ABAT: variants seen among roughly 807,000 people sequenced by gnomAD.
ABAT encodes the protein 4-aminobutyrate aminotransferase, mitochondrial.
Under a neutral mutation model 64.6 loss-of-function variants are expected in ABAT, and 45 were observed. That is an observed-to-expected ratio of 0.70 (90% CI 0.55 to 0.89). The LOEUF (loss-of-function observed/expected upper bound fraction) is 0.89. ABAT is among the 40% of genes least tolerant of loss of function. The pLI is 0.00. For missense variants in ABAT, 633 were observed against 658.4 expected (o/e 0.96, Z 0.42); for synonymous variants, 297 against 250.5 (o/e 1.19, Z -1.75).
chr16:8,719,141 G>A (rs74008013), intron 1 of ABAT, among the ~76,000 whole-genome samples: 226 of 152,290 alleles, frequency 1.5e-3, no homozygotes, highest in African/African-American at 5.1e-3. Context: ...ACAGCAGGAC[G>A]TGTCCTTGTT....
intron 2 of ABAT, chr16:8,736,351 C>G (rs926206570): frequency 4.0e-5 from 7 of 173,798 alleles, no homozygotes; most frequent in African/African-American, 1.7e-4. Flanking sequence ...CTTTCTCTCT[C>G]CCATCTCTGT....
intron 1 of ABAT, among the ~76,000 whole-genome samples, chr16:8,710,727 A>AGAGAGGGAGG (rs146344975): frequency 1.9e-5 from 2 of 103,698 alleles, no homozygotes; most frequent in South Asian, 4.0e-4. Flanking sequence ...AGAGAGAGAG[A>AGAGAGGGAGG]GAGGAAATAG....
chr16:8,755,811 A>T (rs2059633508), intron 5 of ABAT, among the ~76,000 whole-genome samples: 1 of 152,156 alleles, frequency 6.6e-6, no homozygotes, highest in African/African-American at 2.4e-5. Flanking sequence ...GCACTTTGGG[A>T]GGCCGAGGTG....
chr16:8,725,481 C>G (rs906101538), intron 1 of ABAT, among the ~76,000 whole-genome samples: 1 of 152,186 alleles, frequency 6.6e-6, no homozygotes, highest in Non-Finnish European at 1.5e-5. Flanking sequence ...GGCATTTTAC[C>G]TCTGCATTCA....
rs1298528614 is a variant in ABAT at position 8,784,300 on chromosome 16, G to A, written c.*2870G>A. The stretch of plus-strand genomic sequence containing the variant: ...TTTTCATAATTTTTACTGACGCTCA[G>A]TAACCATGCAAAATTGTGTATAGCA... On this transcript the variant is annotated 3_prime_UTR_variant, in exon 16 of 16. Coordinates refer to ENST00000268251, the MANE Select transcript of ABAT (RefSeq NM_020686.6). The A allele has an allele frequency of 6.6e-6, 1 of 152,604 alleles. No individual in the cohort carries two copies. The highest frequency in any genetic ancestry group is 1.5e-5 in the Non-Finnish European group (1 of 68,032). The allele number at this position is 152,604 out of a possible 1,614,324, so 9.5% of individuals were successfully genotyped here. A position where few individuals can be genotyped will look rare whatever the true frequency, so the allele number is the denominator to read the frequency against.
At chr16:8,757,431 G>C (rs972597479) in intron 5 of ABAT, 1 of 371,590 alleles carries the variant, frequency 2.7e-6, no homozygotes, top group Admixed American at 3.7e-5. Flanking sequence ...GCCTCCCGAA[G>C]TGCTGGGATT....
rs780023497 is a variant in ABAT at position 8,781,267 on chromosome 16, T to C, written c.1382-42T>C. On this transcript the variant is annotated intron_variant, in intron 15 of 15. Transcript: ENST00000268251. The surrounding 1 kb of genome is among the most constrained non-coding windows in gnomAD (Gnocchi z 4.5). Reference sequence around the variant, plus strand: ...CCCCCCAGCTCTCCCAGCATGTGACTTTGAGAAACCACGCTCCTCACCTAC... The same window carrying C: ...CCCCCCAGCTCTCCCAGCATGTGACCTTGAGAAACCACGCTCCTCACCTAC... 2.2e-5 allele frequency: 35 copies of C among 1,613,378 alleles called. No homozygotes were observed. The highest frequency in any genetic ancestry group is 2.9e-5 in the Non-Finnish European group (34 of 1,179,872).
chr16:8,726,602 C>G (rs907566782), intron 1 of ABAT, among the ~76,000 whole-genome samples: 3 of 152,220 alleles, frequency 2.0e-5, no homozygotes, highest in African/African-American at 7.2e-5. Context: ...TTATTGGACA[C>G]TCAGGTTGCT....
chr16:8,751,137 C>T (rs759387756), intron 5 of ABAT, among the ~76,000 whole-genome samples: 3 of 151,806 alleles, frequency 2.0e-5, no homozygotes, highest in East Asian at 1.9e-4. Flanking sequence ...TTAGTAGAGA[C>T]GGGGTTTTAC....
chr16:8,730,513 G>A (rs1010491954), intron 1 of ABAT, among the ~76,000 whole-genome samples: 12 of 152,036 alleles, frequency 7.9e-5, no homozygotes, highest in African/African-American at 2.9e-4. Flanking sequence ...TCCTTGCCCT[G>A]TTCTCTCTCC....
intron 6 of ABAT, among the ~76,000 whole-genome samples, chr16:8,762,585 C>T (rs1391517994): frequency 6.6e-6 from 1 of 152,196 alleles, no homozygotes; most frequent in African/African-American, 2.4e-5. Context: ...TCCTGATACC[C>T]AATGTCCCAG....
rs1018213404 is a variant in ABAT, at chr16:8,742,835, C to T, written c.71-3166C>T. ...GAGCTGAGATCGCACCACTGCATTC[C>T]GGCTTGGGCGACAGAGTGAGACCCT... On this transcript the variant is annotated intron_variant, in intron 2 of 15. Transcript: ENST00000268251. Among the ~76,000 whole-genome samples the T allele has an allele frequency of 6.5e-5, 9 of 137,448 alleles. No homozygotes were observed. In the East Asian group the frequency reaches 8.8e-4, roughly 13 times the overall value. 90.2% of individuals were successfully genotyped at this position (137,448 alleles called of 152,430 possible). A position where few individuals can be genotyped will look rare whatever the true frequency, so the allele number is the denominator to read the frequency against.
chr16:8,720,559 G>A (rs1475131311), intron 1 of ABAT, among the ~76,000 whole-genome samples: 2 of 152,238 alleles, frequency 1.3e-5, no homozygotes, highest in Admixed American at 1.3e-4. Context: ...GAAGTCGGAG[G>A]AGAAAAGTGG....
chr16:8,753,188 G>C (rs1056789410), intron 5 of ABAT, among the ~76,000 whole-genome samples: 1 of 151,838 alleles, frequency 6.6e-6, no homozygotes, highest in South Asian at 2.1e-4. Flanking sequence ...CTGCCTCCTG[G>C]GTTCAAGCGA....
chr16:8,705,184 G>A (rs1050983607), intron 1 of ABAT, among the ~76,000 whole-genome samples: 12 of 152,216 alleles, frequency 7.9e-5, no homozygotes, highest in African/African-American at 2.2e-4. Flanking sequence ...GTTCCACATG[G>A]CTGGGAGGCC....
At chr16:8,678,296 T>G (rs1367077786) in intron 1 of ABAT, among the ~76,000 whole-genome samples, 1 of 152,186 alleles carries the variant, frequency 6.6e-6, no homozygotes, top group Non-Finnish European at 1.5e-5. Flanking sequence ...CCTCCCGCCT[T>G]GGCTTCCCAA....
intron 15 of ABAT, 126 bp downstream of exon 15, chr16:8,779,716 A>G (rs1304731080): frequency 1.3e-6 from 1 of 742,212 alleles, no homozygotes; most frequent in South Asian, 1.5e-5. Flanking sequence ...GTCTGAAAAG[A>G]GCCTGAATGC....
At chr16:8,708,340 G>A (rs114919855) in intron 1 of ABAT, among the ~76,000 whole-genome samples, 1,739 of 152,098 alleles carry the variant, frequency 0.011, 42 homozygotes, top group African/African-American at 0.04. Flanking sequence ...TCAAACTCCC[G>A]GGTTCAAAGG....
chr16:8,741,822 C>T (rs1354787087), intron 2 of ABAT, among the ~76,000 whole-genome samples: 7 of 152,182 alleles, frequency 4.6e-5, no homozygotes, highest in Admixed American at 3.3e-4. Context: ...CTCTTCAACT[C>T]ACTAGCTGTG....
Sources: allele counts gnomAD v4.1 joint callset (sites outside exome capture counted in the v4.1 genomes callset), GRCh38; gene constraint gnomAD v4.1.1; non-coding constraint Gnocchi (gnomAD v3.1); transcripts MANE v1.5; gene names NCBI Gene and HGNC (gene_info 2026-07-23, HGNC 2026-07-21).